Variants in DUSP19 observed in about 807,000 individuals in gnomAD.
The protein encoded by DUSP19 is dual specificity protein phosphatase 19.
DUSP19 carries 14 observed loss-of-function variants against 16.6 expected under a neutral mutation model. The ratio of observed to expected loss-of-function variants is 0.84; its 90% CI spans 0.56 to 1.32. DUSP19 has a LOEUF of 1.32. Among genes scored for constraint, DUSP19 ranks in the 40% most tolerant of loss-of-function variants. The pLI, the probability that DUSP19 is intolerant of heterozygous loss-of-function variation, is 0.00. For synonymous variants in DUSP19, 81 were observed against 90.5 expected (o/e 0.90, Z 0.59); for missense variants, 258 against 255.9 (o/e 1.01, Z -0.06).
chr2:183,092,034 C>T (rs1516242), intron 3 of DUSP19, among the ~76,000 whole-genome samples: 5,026 of 152,180 alleles, frequency 0.033, 89 homozygotes, highest in Middle Eastern at 0.058. Context: ...GCTACCAGAC[C>T]TCTGCAGGAT....
intron 2 of DUSP19, among the ~76,000 whole-genome samples, chr2:183,084,201 G>A (rs1453574608): frequency 6.6e-6 from 1 of 152,094 alleles, no homozygotes; most frequent in Non-Finnish European, 1.5e-5. Context: ...CCCATGTTTG[G>A]TTTGGTTTGT....
At position 183,097,873 on chromosome 2, in the gene DUSP19, G is replaced by C. The variant is rs995630106; in HGVS notation, c.*2215G>C. ...GCTCATGTATTATTATTATTTTTGA[G>C]ATGGAGTTTTGCTCTTAATGATATT... On this transcript the variant is annotated 3_prime_UTR_variant, in exon 4 of 4. Transcript: ENST00000354221. 5 of 152,086 alleles carry C rather than the reference G, an allele frequency of 3.3e-5. No individual in the cohort carries two copies. The highest frequency in any genetic ancestry group is 6.6e-5 in the Admixed American group (1 of 15,260). 9.4% of individuals were successfully genotyped at this position (152,086 alleles called of 1,614,324 possible). A position where few individuals can be genotyped will look rare whatever the true frequency, so the allele number is the denominator to read the frequency against.
At position 183,099,607 on chromosome 2, in the gene DUSP19, A is replaced by G. The variant is rs988773096; in HGVS notation, c.*3949A>G. On this transcript the variant is annotated 3_prime_UTR_variant, in exon 4 of 4. Coordinates refer to ENST00000354221, the MANE Select transcript of DUSP19 (RefSeq NM_080876.4). ...TGTTTCTAGGTGTTGATATACTTTA[A>G]TAAAAATGATATGTTTAATATTTTC... 3 of 152,228 alleles carry G rather than the reference A, an allele frequency of 2.0e-5. No individual in the cohort carries two copies. Among genetic ancestry groups the G allele is most frequent in the Non-Finnish European group, 4.4e-5 (3 of 68,040 alleles). The allele number at this position is 152,228 out of a possible 1,614,324, so 9.4% of individuals were successfully genotyped here. A position where few individuals can be genotyped will look rare whatever the true frequency, so the allele number is the denominator to read the frequency against.
intron 2 of DUSP19, among the ~76,000 whole-genome samples, chr2:183,084,327 C>T (rs1699633098): frequency 6.6e-6 from 1 of 151,202 alleles, no homozygotes; most frequent in African/African-American, 2.4e-5. Flanking sequence ...TTTGGGAGGC[C>T]AAGGCAGGAG....
At position 183,080,053 on chromosome 2, in the gene DUSP19, T is replaced by C. The variant is rs551311027; in HGVS notation, c.226+894T>C. 7.3e-4 allele frequency among the ~76,000 whole-genome samples: 111 copies of C among 152,308 alleles called. 1 individual carries two copies. The highest frequency in any genetic ancestry group is 1.3e-3 in the Non-Finnish European group (90 of 68,036). ...TACAAATAGAAACCAGGATTTAAAA[T>C]TGGTGAAGTAATTTACACAAGGTAA... On this transcript the variant is annotated intron_variant, in intron 1 of 3. Transcript: ENST00000354221.
chr2:183,082,871 C>G (rs867806121), intron 1 of DUSP19, among the ~76,000 whole-genome samples: 3 of 109,226 alleles, frequency 2.7e-5, no homozygotes, highest in South Asian at 3.4e-4. Context: ...CCTCTCTCTT[C>G]TCTTGTCTTG....
intron 2 of DUSP19, among the ~76,000 whole-genome samples, chr2:183,084,212 T>C (rs1699631112): frequency 2.0e-5 from 3 of 151,930 alleles, no homozygotes; most frequent in Admixed American, 2.0e-4. Context: ...TTTGGTTTGT[T>C]TTTGGGGGGA....
At chr2:183,094,092 A>G (rs1441034918) in intron 3 of DUSP19, among the ~76,000 whole-genome samples, 1 of 152,196 alleles carries the variant, frequency 6.6e-6, no homozygotes, top group Non-Finnish European at 1.5e-5. Flanking sequence ...GAAAAGAGTA[A>G]TATCCCATAG....
rs1044656119 is a variant in DUSP19 at position 183,099,320 on chromosome 2, T to C, written c.*3662T>C. 7.2e-5 allele frequency: 11 copies of C among 152,208 alleles called. No individual in the cohort carries two copies. The highest frequency in any genetic ancestry group is 1.3e-4 in the Non-Finnish European group (9 of 68,024). The allele number at this position is 152,208 out of a possible 1,614,324, so 9.4% of individuals were successfully genotyped here. A position where few individuals can be genotyped will look rare whatever the true frequency, so the allele number is the denominator to read the frequency against. ...AAATGTGGCATGATTACTTATTTAT[T>C]TGTTCCAGGTGACTCTAAATAGTTG... On this transcript the variant is annotated 3_prime_UTR_variant, in exon 4 of 4. Coordinates refer to ENST00000354221, the MANE Select transcript of DUSP19 (RefSeq NM_080876.4).
At chr2:183,091,430 C>T (rs980764693) in intron 3 of DUSP19, among the ~76,000 whole-genome samples, 1 of 152,130 alleles carries the variant, frequency 6.6e-6, no homozygotes, top group Admixed American at 6.5e-5. Flanking sequence ...CAAGCAGCGG[C>T]CCAAGGGACA....
At chr2:183,094,584 A>T (rs1321452818) in intron 3 of DUSP19, among the ~76,000 whole-genome samples, 1 of 152,156 alleles carries the variant, frequency 6.6e-6, no homozygotes, top group Non-Finnish European at 1.5e-5. Flanking sequence ...CCCCATCAGC[A>T]TTGGTCTTGC....
intron 2 of DUSP19, among the ~76,000 whole-genome samples, chr2:183,084,473 T>C (rs1259136217): frequency 6.6e-6 from 1 of 150,528 alleles, no homozygotes; most frequent in East Asian, 1.9e-4. Context: ...AAATGATATG[T>C]GTGAAGGCCC....
chr2:183,089,485 A>G lies in DUSP19; in HGVS notation c.426+2293A>G, dbSNP rs377719825. Reference sequence around the variant, plus strand: ...CTCTTTCAGCAGCCACCTCGAAGCCAAATCTAACACCCAGTAATACAACTT... The same window carrying G: ...CTCTTTCAGCAGCCACCTCGAAGCCGAATCTAACACCCAGTAATACAACTT... On this transcript the variant is annotated intron_variant, in intron 3 of 3. Coordinates refer to ENST00000354221, the MANE Select transcript of DUSP19 (RefSeq NM_080876.4). 7.2e-5 allele frequency among the ~76,000 whole-genome samples: 11 copies of G among 152,344 alleles called. No homozygotes were observed. In the East Asian group the frequency reaches 1.5e-3, roughly 21 times the overall value.
intron 3 of DUSP19, among the ~76,000 whole-genome samples, chr2:183,089,648 C>A (rs1028734801): frequency 6.6e-6 from 1 of 152,128 alleles, no homozygotes; most frequent in African/African-American, 2.4e-5. Context: ...AGGTGGTAGC[C>A]GAGGTGGAGC....
intron 2 of DUSP19, among the ~76,000 whole-genome samples, chr2:183,085,549 T>C (rs1406329705): frequency 6.6e-6 from 1 of 151,410 alleles, no homozygotes; most frequent in African/African-American, 2.4e-5. Context: ...CAAAGCCATA[T>C]TGCAAAAGAT....
At chr2:183,083,643 T>C in intron 2 of DUSP19, 89 bp downstream of exon 2, 1 of 1,093,960 alleles carries the variant, frequency 9.1e-7, no homozygotes. Flanking sequence ...ATCTTTGGTA[T>C]ATTATGGAGT....
chr2:183,098,115 G>A lies in DUSP19; in HGVS notation c.*2457G>A, dbSNP rs1288215948. On this transcript the variant is annotated 3_prime_UTR_variant, in exon 4 of 4. Transcript: ENST00000354221. Reference sequence around the variant, plus strand: ...CAACCATGTTGGTCAGGCTGGTCTCGAACTCCTGACCGCAAGTGATCCACA... The same window carrying A: ...CAACCATGTTGGTCAGGCTGGTCTCAAACTCCTGACCGCAAGTGATCCACA... 2.6e-5 allele frequency: 4 copies of A among 151,932 alleles called. No individual in the cohort carries two copies. Among genetic ancestry groups the A allele is most frequent in the Admixed American group, 2.0e-4 (3 of 15,238 alleles). The allele number at this position is 151,932 out of a possible 1,614,324, so 9.4% of individuals were successfully genotyped here. A position where few individuals can be genotyped will look rare whatever the true frequency, so the allele number is the denominator to read the frequency against.
At chr2:183,085,870 T>TG (rs1699654902) in intron 2 of DUSP19, among the ~76,000 whole-genome samples, 1 of 128,870 alleles carries the variant, frequency 7.8e-6, no homozygotes, top group East Asian at 2.3e-4. Flanking sequence ...TTTTTTTTTT[T>TG]TTTTTTTTTT....
chr2:183,095,579 G>T lies in DUSP19; in HGVS notation c.575G>T (p.Gly192Val). 6.2e-7 allele frequency: 1 copy of T among 1,613,942 alleles called. No homozygotes were observed. Among genetic ancestry groups the T allele is most frequent in the Non-Finnish European group, 8.5e-7 (1 of 1,179,942 alleles). Reference sequence around the variant, plus strand: ...AGACCTTCCATATGTCCAAATTCTGGCTTCATGGAGCAGCTTCGTACATAT... The same window carrying T: ...AGACCTTCCATATGTCCAAATTCTGTCTTCATGGAGCAGCTTCGTACATAT... ...NARPSICPNS[G>V]FMEQLRTYQE... is the part of the protein sequence containing the mutation. Residue 192 changes from glycine (G) to valine (V), a missense_variant, in exon 4 of 4, where the codon GGC (glycine) becomes GTC (valine). Transcript: ENST00000354221.
Sources: allele counts gnomAD v4.1 joint callset (sites outside exome capture counted in the v4.1 genomes callset), GRCh38; gene constraint gnomAD v4.1.1; transcripts MANE v1.5; gene names NCBI Gene and HGNC (gene_info 2026-07-23, HGNC 2026-07-21).